The following PAPPA2 variants were observed in gnomAD, a reference collection of about 807,000 sequenced individuals.
The protein encoded by PAPPA2 is pappalysin 2, also known as pappalysin-2.
In PAPPA2, 86 loss-of-function variants were observed where a neutral mutation model predicts 176.4. That is an observed-to-expected ratio of 0.49 (90% confidence interval 0.41 to 0.58). PAPPA2 has a LOEUF of 0.58. Among genes scored for constraint, PAPPA2 ranks in the 20% least tolerant of loss-of-function variants. The pLI, the probability that PAPPA2 is intolerant of heterozygous loss-of-function variation, is 0.00. For synonymous variants in PAPPA2, 809 were observed against 852.2 expected (o/e 0.95, Z 0.88); for missense variants, 2,073 against 2,256.9 (o/e 0.92, Z 1.65).
intron 3 of PAPPA2, among the ~76,000 whole-genome samples, chr1:176,669,418 A>G: frequency 6.6e-6 from 1 of 152,124 alleles, no homozygotes; most frequent in South Asian, 2.1e-4. Flanking sequence ...TCAATTTATC[A>G]ATAAAGGAAA....
At chr1:176,734,118 C>T (rs545307246) in intron 12 of PAPPA2, among the ~76,000 whole-genome samples, 28 of 152,084 alleles carry the variant, frequency 1.8e-4, no homozygotes, top group Non-Finnish European at 3.2e-4. Context: ...ATCACAGTAT[C>T]CAATACAAAT....
chr1:176,648,350 C>T (rs1046753470), intron 3 of PAPPA2, among the ~76,000 whole-genome samples: 9 of 151,322 alleles, frequency 5.9e-5, no homozygotes, highest in African/African-American at 2.2e-4. Flanking sequence ...TCTTTTGGTT[C>T]TGCTAAGTAT....
At chr1:176,501,918 G>C (rs1647983447) in intron 1 of PAPPA2, among the ~76,000 whole-genome samples, 1 of 152,108 alleles carries the variant, frequency 6.6e-6, no homozygotes, top group African/African-American at 2.4e-5. Context: ...TAAAATTAAT[G>C]CACCCTGGTT....
At chr1:176,695,410 G>C (rs1332465001) in intron 6 of PAPPA2, among the ~76,000 whole-genome samples, 2 of 152,176 alleles carry the variant, frequency 1.3e-5, no homozygotes, top group East Asian at 3.8e-4. Context: ...GTAGAAGGGA[G>C]TTTTATGTTG....
chr1:176,615,335 G>T (rs2102683348), intron 3 of PAPPA2, among the ~76,000 whole-genome samples: 1 of 152,234 alleles, frequency 6.6e-6, no homozygotes, highest in African/African-American at 2.4e-5. Flanking sequence ...TTTTGAGACG[G>T]AGTCTTGCTC....
chr1:176,526,547 G>A (rs1649509759), intron 1 of PAPPA2, among the ~76,000 whole-genome samples: 1 of 152,204 alleles, frequency 6.6e-6, no homozygotes, highest in Admixed American at 6.5e-5. Context: ...CTGGGTCTCT[G>A]AATGATTGTG....
At chr1:176,488,458 G>A (rs762921060) in intron 1 of PAPPA2, among the ~76,000 whole-genome samples, 8 of 152,132 alleles carry the variant, frequency 5.3e-5, no homozygotes, top group Non-Finnish European at 7.3e-5. Flanking sequence ...GTGTACAAGA[G>A]TGTCTTCGAA....
At chr1:176,753,211 C>T (rs1663260460) in intron 14 of PAPPA2, among the ~76,000 whole-genome samples, 1 of 152,134 alleles carries the variant, frequency 6.6e-6, no homozygotes, top group Admixed American at 6.6e-5. Context: ...CATCTGAGCC[C>T]CAGTCAAGGG....
intron 1 of PAPPA2, among the ~76,000 whole-genome samples, chr1:176,512,742 A>G (rs532384757): frequency 6.6e-6 from 1 of 152,308 alleles, no homozygotes; most frequent in East Asian, 1.9e-4. Context: ...TCAAATGGGC[A>G]TTTTAGTTTA....
Position 176,677,052 on chromosome 1 carries a change from T to G in PAPPA2, c.2137+5937T>G. Among the ~76,000 whole-genome samples, 2 of 152,164 alleles carry G rather than the reference T, an allele frequency of 1.3e-5. 1 individual carries two copies. The highest frequency in any genetic ancestry group is 4.8e-5 in the African/African-American group (2 of 41,452). ...GCTTTTCAGAAGTAAAAAACTAGAC[T>G]GAACAGCTCACAGATATGATTCAAT... On this transcript the variant is annotated intron_variant, in intron 4 of 22. Transcript: ENST00000367662.
intron 12 of PAPPA2, among the ~76,000 whole-genome samples, chr1:176,716,460 G>A (rs1661377054): frequency 6.6e-6 from 1 of 151,268 alleles, no homozygotes; most frequent in African/African-American, 2.4e-5. Context: ...TAGTCAGGCT[G>A]GTCTCAAACT....
chr1:176,661,086 A>T (rs1658333628), intron 3 of PAPPA2, among the ~76,000 whole-genome samples: 1 of 152,088 alleles, frequency 6.6e-6, no homozygotes, highest in Admixed American at 6.6e-5. Flanking sequence ...CAGTTCTCAC[A>T]CTATTTCTTC....
chr1:176,798,793 T>G (rs1006219024), intron 20 of PAPPA2, among the ~76,000 whole-genome samples: 3 of 152,202 alleles, frequency 2.0e-5, no homozygotes, highest in Non-Finnish European at 4.4e-5. Flanking sequence ...CAATAATGAC[T>G]TAAGCCAAGT....
intron 3 of PAPPA2, among the ~76,000 whole-genome samples, chr1:176,644,998 CAT>C (rs1657315883): frequency 6.6e-6 from 1 of 151,770 alleles, no homozygotes; most frequent in South Asian, 2.1e-4. Flanking sequence ...TTTCAGAGTA[CAT>C]GTGATAATTA....
chr1:176,652,076 C>T (rs940386497), intron 3 of PAPPA2, among the ~76,000 whole-genome samples: 2 of 151,366 alleles, frequency 1.3e-5, no homozygotes, highest in Non-Finnish European at 3.0e-5. Flanking sequence ...CACTCAGTTT[C>T]CTTAATGCTG....
At chr1:176,523,788 C>G (rs1649332080) in intron 1 of PAPPA2, among the ~76,000 whole-genome samples, 1 of 152,090 alleles carries the variant, frequency 6.6e-6, no homozygotes, top group African/African-American at 2.4e-5. Context: ...AGTTGATGCC[C>G]CTGTGGAAAT....
chr1:176,709,406 T>TA (rs945870883), intron 10 of PAPPA2, among the ~76,000 whole-genome samples: 2 of 151,326 alleles, frequency 1.3e-5, no homozygotes, highest in East Asian at 3.9e-4. Flanking sequence ...GTCCTAAGAC[T>TA]AAAAAAAAAT....
intron 1 of PAPPA2, among the ~76,000 whole-genome samples, chr1:176,480,007 C>T (rs1000159578): frequency 6.6e-6 from 1 of 152,214 alleles, no homozygotes; most frequent in African/African-American, 2.4e-5. Context: ...CCCCTTTCCC[C>T]CTCCCTCTGG....
chr1:176,692,413 T>C, intron 6 of PAPPA2, 95 bp downstream of exon 6: 2 of 1,290,366 alleles, frequency 1.5e-6, no homozygotes, highest in Admixed American at 4.0e-5. Context: ...GAACTCCAAT[T>C]TGGAAGTATA....
Sources: allele counts gnomAD v4.1 joint callset (sites outside exome capture counted in the v4.1 genomes callset), GRCh38; gene constraint gnomAD v4.1.1; transcripts MANE v1.5; gene names NCBI Gene and HGNC (gene_info 2026-07-23, HGNC 2026-07-21).